The following ABCC6 variants were observed in gnomAD, a reference collection of about 807,000 sequenced individuals.
ABCC6 encodes the protein ATP binding cassette subfamily C member 6.
Under a neutral mutation model 169.5 loss-of-function variants are expected in ABCC6, and 126 were observed. The ratio of observed to expected loss-of-function variants is 0.74; its 90% CI spans 0.64 to 0.86. The LOEUF is 0.86. Among genes scored for constraint, ABCC6 ranks in the 40% least tolerant of loss-of-function variants. ABCC6 has a pLI of 0.00. For missense variants in ABCC6, 1,733 were observed against 1,927.2 expected, an observed-to-expected ratio of 0.90 and a Z score of 1.89; for synonymous variants, 752 against 814.7, an observed-to-expected ratio of 0.92 and a Z score of 1.31.
chr16:16,176,993 C>T (rs6498615), intron 19 of ABCC6, among the ~76,000 whole-genome samples: 147,905 of 152,310 alleles, frequency 0.97, 71,958 homozygotes, highest in East Asian at 1. Flanking sequence ...CACTGTTTTT[C>T]TGGATTATTA....
chr16:16,197,339 G>T (rs1285058971), intron 10 of ABCC6, among the ~76,000 whole-genome samples: 1 of 152,064 alleles, frequency 6.6e-6, no homozygotes, highest in Non-Finnish European at 1.5e-5. Flanking sequence ...GTCAAGTGAA[G>T]GTCATCCTTA....
At chr16:16,167,954 G>C (rs561339877) in intron 22 of ABCC6, among the ~76,000 whole-genome samples, 5 of 152,110 alleles carry the variant, frequency 3.3e-5, no homozygotes, top group Non-Finnish European at 5.9e-5. Context: ...TCCAGGGCTC[G>C]GCTGACTCTG....
Position 16,212,237 on chromosome 16 carries a change from G to A in ABCC6, c.610C>T (p.Pro204Ser). 1.1e-6 allele frequency: 1 copy of A among 898,106 alleles called. No homozygotes were observed. Among genetic ancestry groups the A allele is most frequent in the Non-Finnish European group, 1.8e-6 (1 of 542,638 alleles). The allele number at this position is 898,106 out of a possible 1,614,324, so 55.6% of individuals were successfully genotyped here. ...PEDPQQSNPCPETGAAFPSKA... is the reference protein window; with the variant it reads ...PEDPQQSNPCSETGAAFPSKA... ...GAGGGGAAGGCTGCCCCAGTCTCTGGACAGGGGTTCTGCAACAGACAAAAA... is the reference window on the plus strand; with the variant it reads ...GAGGGGAAGGCTGCCCCAGTCTCTGAACAGGGGTTCTGCAACAGACAAAAA... The change falls in exon 6 of 31, where the codon CCA becomes TCA. Residue 204 changes from proline to serine, a missense_variant. Pro to Ser is a moderately conservative substitution (Grantham distance 74). Around this residue, in one of 5 missense-constraint regions of ABCC6, gnomAD observed 49 missense variants for 85.8 expected, o/e 0.57. Coordinates refer to ENST00000205557, the MANE Select transcript of ABCC6 (RefSeq NM_001171.6).
rs2046340550 is a variant in ABCC6 at position 16,149,901 on chromosome 16, G to A, written c.*232C>T. The A allele has an allele frequency of 1.6e-6, 1 of 632,224 alleles. No homozygotes were observed. Among genetic ancestry groups the A allele is most frequent in the African/African-American group, 1.8e-5 (1 of 55,614 alleles). The allele number at this position is 632,224 out of a possible 1,614,324, so 39.2% of individuals were successfully genotyped here. On this transcript the variant is annotated 3_prime_UTR_variant, in exon 31 of 31. Transcript: ENST00000205557. ...GAGTCGCTGTTGACATTGGCTGCAG[G>A]GTGGACAGGGCGAGATGGGCCCTGC...
At chr16:16,178,391 G>C (rs1026861583) in intron 18 of ABCC6, among the ~76,000 whole-genome samples, 2 of 152,094 alleles carry the variant, frequency 1.3e-5, no homozygotes, top group African/African-American at 4.8e-5. Flanking sequence ...GCTGGGGGTT[G>C]GGGTGGGGGT....
At chr16:16,203,746 C>G in intron 7 of ABCC6, 133 bp from the exon 8 acceptor site, 3 of 979,714 alleles carry the variant, frequency 3.1e-6, no homozygotes, top group Non-Finnish European at 4.8e-6. Context: ...GCTCCCTCAC[C>G]TGTTCCTCCT....
In ABCC6 at chr16:16,188,686, C is replaced by T. The variant is rs59681165; in HGVS notation, c.1779+145G>A. 1.1e-3 allele frequency: 1,345 copies of T among 1,197,352 alleles called. 10 individuals carry two copies. In the African/African-American group the frequency reaches 0.018, roughly 16 times the overall value. The allele number at this position is 1,197,352 out of a possible 1,614,324, so 74.2% of individuals were successfully genotyped here. The stretch of plus-strand genomic sequence containing the variant: ...CTGCCCGCCTCTGTTCTTGCCCCTA[C>T]CCGCCTCTTTTCCAGCTCCACACCA... On this transcript the variant is annotated intron_variant, in intron 13 of 30. Transcript: ENST00000205557.
At chr16:16,163,655 T>C (rs1265002848) in intron 23 of ABCC6, among the ~76,000 whole-genome samples, 1 of 152,198 alleles carries the variant, frequency 6.6e-6, no homozygotes, top group Non-Finnish European at 1.5e-5. Context: ...TTCACTCATG[T>C]AACCCAAGGG....
chr16:16,207,523 C>T (rs1325958509), intron 7 of ABCC6, among the ~76,000 whole-genome samples: 2 of 151,916 alleles, frequency 1.3e-5, no homozygotes, highest in Non-Finnish European at 2.9e-5. Context: ...AGGCTAGATC[C>T]TCTTAGCTGT....
intron 10 of ABCC6, among the ~76,000 whole-genome samples, chr16:16,194,653 G>A (rs765777068): frequency 2.0e-5 from 3 of 152,156 alleles, no homozygotes; most frequent in South Asian, 2.1e-4. Context: ...TCAGTTTCCC[G>A]TCTCAGTCCT....
chr16:16,183,888 C>T (rs565270649), intron 15 of ABCC6, among the ~76,000 whole-genome samples: 3 of 152,128 alleles, frequency 2.0e-5, no homozygotes, highest in African/African-American at 7.2e-5. Flanking sequence ...TTGCTGATGC[C>T]ATTCCCACCG....
chr16:16,188,644 T>C (rs2047734709), intron 13 of ABCC6, among the ~76,000 whole-genome samples, 187 bp downstream of exon 13: 1 of 152,212 alleles, frequency 6.6e-6, no homozygotes, highest in African/African-American at 2.4e-5. Flanking sequence ...CCCTTCCAGA[T>C]GTATTTGCTG....
intron 10 of ABCC6, 109 bp from the exon 11 acceptor site, chr16:16,193,031 G>A (rs2047917065): frequency 1.1e-6 from 1 of 891,806 alleles, no homozygotes; most frequent in Non-Finnish European, 1.8e-6. Context: ...AAATGAGGCT[G>A]AGACCTACTG....
intron 4 of ABCC6, among the ~76,000 whole-genome samples, chr16:16,217,362 G>A (rs1476985303): frequency 1.3e-4 from 20 of 152,282 alleles, no homozygotes; most frequent in Middle Eastern, 3.4e-3. Flanking sequence ...CCCTGAGGCC[G>A]TCATTCCCTT....
At chr16:16,196,647 CAGA>C (rs1375998350) in intron 10 of ABCC6, among the ~76,000 whole-genome samples, 7 of 152,248 alleles carry the variant, frequency 4.6e-5, no homozygotes, top group Non-Finnish European at 8.8e-5. Context: ...GATAAGTGGT[CAGA>C]AGGAGGATTT....
intron 7 of ABCC6, among the ~76,000 whole-genome samples, chr16:16,205,062 C>T (rs149761071): frequency 0.036 from 5,401 of 152,106 alleles, 113 homozygotes; most frequent in African/African-American, 0.047. Context: ...TCTTAAACTC[C>T]TGACCTCAGG....
chr16:16,210,060 C>A (rs968364789), intron 6 of ABCC6, among the ~76,000 whole-genome samples: 9 of 152,006 alleles, frequency 5.9e-5, no homozygotes, highest in Non-Finnish European at 1.0e-4. Context: ...CTGATGACAC[C>A]AGCCAGAAGG....
intron 27 of ABCC6, among the ~76,000 whole-genome samples, chr16:16,155,978 C>T (rs865949802): frequency 3.3e-5 from 5 of 152,068 alleles, no homozygotes; most frequent in African/African-American, 4.8e-5. Flanking sequence ...TGCAGTGGTG[C>T]GATCTCAGCT....
intron 10 of ABCC6, among the ~76,000 whole-genome samples, chr16:16,197,036 C>A (rs758219573): frequency 2.0e-5 from 3 of 152,080 alleles, no homozygotes; most frequent in Non-Finnish European, 4.4e-5. Context: ...TATACCACAA[C>A]GTTAAAGGAA....
Sources: allele counts gnomAD v4.1 joint callset (sites outside exome capture counted in the v4.1 genomes callset), GRCh38; gene constraint gnomAD v4.1.1; regional missense constraint gnomAD v4.1.1; transcripts MANE v1.5; gene names NCBI Gene and HGNC (gene_info 2026-07-23, HGNC 2026-07-21).